EPHA3: variants seen among roughly 807,000 people sequenced by gnomAD.
The protein encoded by EPHA3 is ephrin type-A receptor 3.
EPHA3 carries 42 observed loss-of-function variants against 107.1 expected under a neutral mutation model. That is an observed-to-expected ratio of 0.39 (90% CI 0.31 to 0.51). EPHA3 has a LOEUF of 0.51. Among genes scored for constraint, EPHA3 ranks in the 20% least tolerant of loss-of-function variants. The pLI is 0.78. For synonymous variants in EPHA3, 461 were observed against 424.8 expected, an observed-to-expected ratio of 1.09 and a Z score of -1.05; for missense variants, 1,183 against 1,211.2, an observed-to-expected ratio of 0.98 and a Z score of 0.35.
chr3:89,278,053 A>G (rs1362438238), intron 3 of EPHA3, among the ~76,000 whole-genome samples: 1 of 152,148 alleles, frequency 6.6e-6, no homozygotes, highest in Non-Finnish European at 1.5e-5. Context: ...TGATGGGTTT[A>G]TACTTTCTGC....
At chr3:89,380,038 G>A (rs1008751878) in intron 5 of EPHA3, among the ~76,000 whole-genome samples, 4 of 152,132 alleles carry the variant, frequency 2.6e-5, no homozygotes, top group African/African-American at 9.7e-5. Context: ...CAAGCCATAT[G>A]GGCCAGGCAT....
chr3:89,272,024 A>G (rs1232444264), intron 3 of EPHA3, among the ~76,000 whole-genome samples: 1 of 152,014 alleles, frequency 6.6e-6, no homozygotes, highest in African/African-American at 2.4e-5. Flanking sequence ...TGATTTTCTT[A>G]ATAACTTTGT....
At chr3:89,129,599 A>ATAG (rs1553704317) in intron 2 of EPHA3, among the ~76,000 whole-genome samples, 1 of 122,278 alleles carries the variant, frequency 8.2e-6, no homozygotes, top group Non-Finnish European at 1.7e-5. Flanking sequence ...AAAACATTAG[A>ATAG]TTGTTTTTTT....
At chr3:89,110,057 A>G (rs1707064750) in intron 1 of EPHA3, among the ~76,000 whole-genome samples, 1 of 152,044 alleles carries the variant, frequency 6.6e-6, no homozygotes, top group African/African-American at 2.4e-5. Flanking sequence ...CTAACAATGT[A>G]ATTTAAATAG....
At chr3:89,193,900 C>T (rs1705776988) in intron 2 of EPHA3, among the ~76,000 whole-genome samples, 1 of 151,914 alleles carries the variant, frequency 6.6e-6, no homozygotes, top group Admixed American at 6.6e-5. Context: ...AATGTTCCTT[C>T]ATCTCTAAAA....
chr3:89,175,022 T>C (rs2107106083), intron 2 of EPHA3, among the ~76,000 whole-genome samples: 1 of 151,978 alleles, frequency 6.6e-6, no homozygotes, highest in East Asian at 1.9e-4. Flanking sequence ...AAACTAAGCT[T>C]CAAAAATCTG....
chr3:89,319,990 C>T (rs1707005693), intron 3 of EPHA3, among the ~76,000 whole-genome samples: 2 of 151,724 alleles, frequency 1.3e-5, no homozygotes, highest in African/African-American at 2.4e-5. Context: ...CAGGTACCTA[C>T]AGGCAAAACA....
intron 2 of EPHA3, among the ~76,000 whole-genome samples, chr3:89,150,628 G>T (rs1337808173): frequency 2.6e-5 from 4 of 151,932 alleles, no homozygotes; most frequent in Non-Finnish European, 5.9e-5. Flanking sequence ...GTTGAAAATG[G>T]ATCCATATTC....
chr3:89,238,696 G>A lies in EPHA3; in HGVS notation c.814+28176G>A, dbSNP rs138788271. ...GCCCAGGAAAATATGTTAAATAGTG[G>A]CCTAAAATATGGAATTGATCTTATT... On this transcript the variant is annotated intron_variant, in intron 3 of 16. Coordinates refer to ENST00000336596, the MANE Select transcript of EPHA3 (RefSeq NM_005233.6). Among the ~76,000 whole-genome samples the A allele has an allele frequency of 1.3e-3, 195 of 152,270 alleles. 1 individual carries two copies. The highest frequency in any genetic ancestry group is 4.3e-3 in the African/African-American group (178 of 41,554).
chr3:89,436,569 C>T (rs1427433066), intron 13 of EPHA3, among the ~76,000 whole-genome samples: 2 of 152,166 alleles, frequency 1.3e-5, no homozygotes, highest in Non-Finnish European at 2.9e-5. Context: ...GAATACTGAA[C>T]ATAGAATGTC....
intron 5 of EPHA3, among the ~76,000 whole-genome samples, chr3:89,381,307 A>C (rs1347775613): frequency 1.3e-5 from 2 of 152,018 alleles, no homozygotes; most frequent in Admixed American, 1.3e-4. Context: ...TAAGTTAAAC[A>C]TCAAAGAGTG....
At chr3:89,268,517 G>T (rs1378325035) in intron 3 of EPHA3, among the ~76,000 whole-genome samples, 1 of 151,726 alleles carries the variant, frequency 6.6e-6, no homozygotes, top group African/African-American at 2.4e-5. Context: ...GATATGTGTG[G>T]TCTATCTGGT....
chr3:89,393,958 A>G (rs1478407346), intron 5 of EPHA3, among the ~76,000 whole-genome samples: 1 of 126,394 alleles, frequency 7.9e-6, no homozygotes, highest in Admixed American at 7.4e-5. Flanking sequence ...TTTAGGGACT[A>G]AAATAGAGGA....
chr3:89,476,298 T>A (rs1462153815), intron 16 of EPHA3, among the ~76,000 whole-genome samples: 1 of 148,408 alleles, frequency 6.7e-6, no homozygotes, highest in Non-Finnish European at 1.5e-5. Flanking sequence ...GAACATTTCT[T>A]GAGGAATACA....
intron 2 of EPHA3, among the ~76,000 whole-genome samples, chr3:89,197,852 C>G (rs575553030): frequency 1.7e-3 from 255 of 151,976 alleles, no homozygotes; most frequent in African/African-American, 6.1e-3. Flanking sequence ...TGGTGTGTGC[C>G]TTAGTCCCAG....
chr3:89,184,942 A>G (rs1262622577), intron 2 of EPHA3, among the ~76,000 whole-genome samples: 1 of 152,036 alleles, frequency 6.6e-6, no homozygotes, highest in Non-Finnish European at 1.5e-5. Flanking sequence ...TCTGGTTTGG[A>G]AAGCATGTTT....
intron 1 of EPHA3, among the ~76,000 whole-genome samples, chr3:89,124,941 A>T (rs1246424128): frequency 2.0e-5 from 3 of 151,944 alleles, no homozygotes; most frequent in Admixed American, 1.3e-4. Context: ...CTTTGAGTAG[A>T]AACCAAATGC....
At chr3:89,438,113 G>A (rs1266935434) in intron 13 of EPHA3, among the ~76,000 whole-genome samples, 1 of 151,456 alleles carries the variant, frequency 6.6e-6, no homozygotes, top group South Asian at 2.1e-4. Flanking sequence ...GTTTTGTTTT[G>A]TTTTGTTTTT....
At chr3:89,189,190 A>T (rs1340886692) in intron 2 of EPHA3, among the ~76,000 whole-genome samples, 7 of 152,208 alleles carry the variant, frequency 4.6e-5, no homozygotes, top group Admixed American at 3.3e-4. Context: ...ATGAAATGAG[A>T]TGTATACCTT....
Sources: gnomAD v4.1 joint callset for allele counts (sites outside exome capture counted in the v4.1 genomes callset) on GRCh38, gnomAD v4.1.1 for gene constraint, MANE v1.5 for transcripts, NCBI Gene and HGNC (gene_info 2026-07-23, HGNC 2026-07-21) for gene names.